The following FRMPD4 variants were observed in gnomAD, a reference collection of about 807,000 sequenced individuals.
FRMPD4 encodes FERM and PDZ domain containing 4.
Under a neutral mutation model 94.1 loss-of-function variants are expected in FRMPD4, and 22 were observed. The ratio of observed to expected loss-of-function variants is 0.23; its 90% CI spans 0.17 to 0.33. FRMPD4 has a LOEUF of 0.33. Among genes scored for constraint, FRMPD4 ranks in the 10% least tolerant of loss-of-function variants. The pLI is 1.00. For synonymous variants in FRMPD4, 631 were observed against 548.6 expected (o/e 1.15, Z -2.10); for missense variants, 1,111 against 1,339.9 (o/e 0.83, Z 2.67).
chrX:11,865,112 A>AAAT (rs1569114081), exon 2 of FRMPD4, among the ~76,000 whole-genome samples: 1 of 112,035 alleles, frequency 8.9e-6, no homozygotes, highest in Non-Finnish European at 1.9e-5. Flanking sequence ...CCAAGTGAAA[A>AAAT]AATAAGTTGA....
intron 4 of FRMPD4, among the ~76,000 whole-genome samples, chrX:12,673,149 C>A (rs2059860837): frequency 8.9e-6 from 1 of 111,957 alleles, no homozygotes; most frequent in African/African-American, 3.3e-5. Context: ...CCTGAGGACT[C>A]TGGGATCAGA....
intron 2 of FRMPD4, among the ~76,000 whole-genome samples, chrX:11,871,235 ACT>A (rs781484294): frequency 6.2e-5 from 7 of 112,322 alleles, no homozygotes; most frequent in African/African-American, 1.9e-4. Context: ...TGGTTAATGC[ACT>A]CTGTGTTGGC....
chrX:11,828,277 C>T (rs1304155900), intron 1 of FRMPD4, among the ~76,000 whole-genome samples: 1 of 112,092 alleles, frequency 8.9e-6, no homozygotes, highest in African/African-American at 3.2e-5. Flanking sequence ...ATTTAGTAGA[C>T]AGCTAGTAGC....
At chrX:12,053,394 GAAAGAAAGA>G (rs2054832916) in intron 3 of FRMPD4, among the ~76,000 whole-genome samples, 1 of 85,887 alleles carries the variant, frequency 1.2e-5, no homozygotes, top group Non-Finnish European at 2.3e-5. Context: ...AAGAAAGAAA[GAAAGAAAGA>G]AAGAAAGAAA....
chrX:12,271,064 G>A (rs138240425), intron 1 of FRMPD4, among the ~76,000 whole-genome samples: 1,721 of 111,895 alleles, frequency 0.015, 41 homozygotes, highest in African/African-American at 0.053. Context: ...AGAGTATACC[G>A]TATGTTTTGG....
chrX:12,699,720 T>C (rs111711471), intron 9 of FRMPD4, among the ~76,000 whole-genome samples: 1,671 of 112,253 alleles, frequency 0.015, 12 homozygotes, highest in African/African-American at 0.022. Context: ...AAAAGACAAA[T>C]GAATTAGAGA....
rs753259355 is a variant in FRMPD4 at position 12,420,361 on chromosome X, G to T, written c.42-78319G>T. Among the ~76,000 whole-genome samples the T allele has an allele frequency of 5.4e-5, 6 of 112,032 alleles. No individual in the cohort carries two copies. In the East Asian group the frequency reaches 1.7e-3, roughly 31 times the overall value. On this transcript the variant is annotated intron_variant, in intron 1 of 16. Coordinates refer to ENST00000675598, the MANE Select transcript of FRMPD4 (RefSeq NM_001368397.1). ...ACTAATGGCAGTAGTCTCCTAACTG[G>T]CTCTTTTCTAGCCTGTTTTCCACTG...
At chrX:11,827,078 A>ATG (rs2053447770) in intron 1 of FRMPD4, among the ~76,000 whole-genome samples, 1 of 99,040 alleles carries the variant, frequency 1.0e-5, no homozygotes, top group East Asian at 3.0e-4. Flanking sequence ...ATATATATAT[A>ATG]TATATATAAA....
At chrX:12,020,657 T>G (rs1357884484) in intron 3 of FRMPD4, among the ~76,000 whole-genome samples, 3 of 112,124 alleles carry the variant, frequency 2.7e-5, no homozygotes, top group Non-Finnish European at 5.6e-5. Flanking sequence ...TACATATGTA[T>G]GTGTCCAGGA....
At chrX:12,343,704 G>A (rs1453802938) in intron 1 of FRMPD4, among the ~76,000 whole-genome samples, 1 of 111,473 alleles carries the variant, frequency 9.0e-6, no homozygotes, top group African/African-American at 3.3e-5. Flanking sequence ...TCATATCAGC[G>A]TTTTTTACCT....
At chrX:12,031,858 C>G (rs768387154) in intron 3 of FRMPD4, among the ~76,000 whole-genome samples, 4 of 111,784 alleles carry the variant, frequency 3.6e-5, no homozygotes, top group African/African-American at 6.5e-5. Context: ...TCCATCAGGG[C>G]AAGGGATACC....
chrX:11,965,618 G>C (rs1414443492), intron 3 of FRMPD4, among the ~76,000 whole-genome samples: 3 of 111,758 alleles, frequency 2.7e-5, no homozygotes, highest in Non-Finnish European at 3.8e-5. Flanking sequence ...GGAATTTCTG[G>C]CAGAATGAGA....
intron 1 of FRMPD4, among the ~76,000 whole-genome samples, chrX:11,848,691 G>T (rs1194564015): frequency 9.1e-6 from 1 of 110,292 alleles, no homozygotes; most frequent in Non-Finnish European, 1.9e-5. Flanking sequence ...TCCACTTCTA[G>T]GAACTCCCTG....
At chrX:12,641,569 G>T (rs1375183016) in intron 4 of FRMPD4, among the ~76,000 whole-genome samples, 1 of 112,023 alleles carries the variant, frequency 8.9e-6, no homozygotes, top group Non-Finnish European at 1.9e-5. Flanking sequence ...GATATCTTAA[G>T]CAGACAAGGG....
intron 3 of FRMPD4, among the ~76,000 whole-genome samples, chrX:12,107,564 G>A (rs1431416472): frequency 1.8e-5 from 2 of 112,250 alleles, no homozygotes; most frequent in Admixed American, 9.4e-5. Context: ...ACTTTGATGA[G>A]TTGAGAGAAG....
chrX:12,495,572 G>A (rs748695633), intron 1 of FRMPD4, among the ~76,000 whole-genome samples: 1 of 110,934 alleles, frequency 9.0e-6, no homozygotes, highest in Non-Finnish European at 1.9e-5. Flanking sequence ...CAGAGTTTTG[G>A]ATTCAGTAGG....
At chrX:12,452,483 A>G (rs562881734) in intron 1 of FRMPD4, among the ~76,000 whole-genome samples, 1 of 111,715 alleles carries the variant, frequency 9.0e-6, no homozygotes, top group East Asian at 2.8e-4. Context: ...CAGCTGGTAT[A>G]ACGGGCCAAT....
intron 1 of FRMPD4, among the ~76,000 whole-genome samples, chrX:12,241,956 A>AGGG (rs2053882267): frequency 2.4e-5 from 1 of 40,820 alleles, no homozygotes; most frequent in Admixed American, 2.2e-4. Context: ...GAAGGGGAGG[A>AGGG]GGAGGAGGAG....
chrX:12,715,998 G>GCCGGGGGCCCCC, intron 14 of FRMPD4, 71 bp from the exon 15 acceptor site: 3 of 383,855 alleles, frequency 7.8e-6, no homozygotes, highest in Non-Finnish European at 9.4e-6. Context: ...ACAGAGACGA[G>GCCGGGGGCCCCC]CCTCCCACCC....
Sources: gnomAD v4.1 joint callset for allele counts (sites outside exome capture counted in the v4.1 genomes callset) on GRCh38, gnomAD v4.1.1 for gene constraint, MANE v1.5 for transcripts, NCBI Gene and HGNC (gene_info 2026-07-23, HGNC 2026-07-21) for gene names.